ANO6: variants seen among roughly 807,000 people sequenced by gnomAD.
The protein encoded by ANO6 is anoctamin 6.
A neutral mutation model predicts 117.5 loss-of-function variants in ANO6; 106 were observed. The ratio of observed to expected loss-of-function variants is 0.90; its 90% CI spans 0.77 to 1.06. The LOEUF (loss-of-function observed/expected upper bound fraction) is 1.06, where lower values mean the gene tolerates loss of function less well. Among genes scored for constraint, ANO6 ranks in the 50% least tolerant of loss-of-function variants. The pLI is 0.00. For synonymous variants in ANO6, 367 were observed against 385.1 expected, an observed-to-expected ratio of 0.95 and a Z score of 0.55; for missense variants, 955 against 1,121.1, an observed-to-expected ratio of 0.85 and a Z score of 2.12.
At chr12:45,284,019 A>G (rs1454715998) in intron 1 of ANO6, among the ~76,000 whole-genome samples, 2 of 152,248 alleles carry the variant, frequency 1.3e-5, no homozygotes, top group Non-Finnish European at 2.9e-5. Context: ...TAAAAGGCAT[A>G]CAAATTTATT....
At chr12:45,226,323 T>A (rs1180822687) in intron 1 of ANO6, among the ~76,000 whole-genome samples, 1 of 152,208 alleles carries the variant, frequency 6.6e-6, no homozygotes, top group Non-Finnish European at 1.5e-5. Flanking sequence ...AAATGTATTC[T>A]TTTGTGAAGT....
chr12:45,403,537 G>T lies in ANO6; in HGVS notation c.1880+1G>T. The stretch of plus-strand genomic sequence containing the variant: ...ATAACATACAAGAAGTATTATTGCC[G>T]TGAGTGTTAAATTGTATAGCCATGG... On this transcript the variant is annotated splice_donor_variant, in intron 15 of 19. Coordinates refer to ENST00000320560, the MANE Select transcript of ANO6 (RefSeq NM_001025356.3). LOFTEE classifies it high-confidence loss of function. The T allele has an allele frequency of 6.2e-7, 1 of 1,606,920 alleles. No individual in the cohort carries two copies. Among genetic ancestry groups the T allele is most frequent in the Non-Finnish European group, 8.5e-7 (1 of 1,173,804 alleles).
intron 1 of ANO6, among the ~76,000 whole-genome samples, chr12:45,248,386 A>G: frequency 6.6e-6 from 1 of 151,932 alleles, no homozygotes; most frequent in Non-Finnish European, 1.5e-5. Flanking sequence ...CATAAGGACA[A>G]CAGATGAGGT....
intron 8 of ANO6, among the ~76,000 whole-genome samples, chr12:45,359,657 T>C (rs1033125832): frequency 1.3e-5 from 2 of 152,248 alleles, no homozygotes; most frequent in Non-Finnish European, 2.9e-5. Context: ...TAATACTCCA[T>C]GTGTGTATAA....
rs142644352 is a variant in ANO6, at chr12:45,273,994, T to A, written c.71-28020T>A. ...GCACGGGGCACAACTGACCACTCCC[T>A]GCTTCCTGAAATTCTTTTTTTACTT... On this transcript the variant is annotated intron_variant, in intron 1 of 19. Coordinates refer to ENST00000320560, the MANE Select transcript of ANO6 (RefSeq NM_001025356.3). 8.0e-3 allele frequency among the ~76,000 whole-genome samples: 1,213 copies of A among 152,354 alleles called. 16 individuals carry two copies. Among genetic ancestry groups the A allele is most frequent in the African/African-American group, 0.028 (1,170 of 41,582 alleles).
intron 1 of ANO6, among the ~76,000 whole-genome samples, chr12:45,299,403 T>C (rs1398385642): frequency 1.3e-5 from 2 of 152,254 alleles, no homozygotes; most frequent in Admixed American, 6.5e-5. Flanking sequence ...TTTCTGTTTC[T>C]GCTTTGGTTC....
intron 12 of ANO6, among the ~76,000 whole-genome samples, chr12:45,391,151 C>T (rs996208003): frequency 6.6e-6 from 1 of 151,720 alleles, no homozygotes; most frequent in African/African-American, 2.4e-5. Context: ...CTAGGAATAC[C>T]CTTAACAAAA....
intron 2 of ANO6, among the ~76,000 whole-genome samples, chr12:45,321,204 G>A (rs1029993663): frequency 1.3e-5 from 2 of 152,166 alleles, no homozygotes; most frequent in African/African-American, 2.4e-5. Flanking sequence ...AAAAGGAAGC[G>A]TATTTTAAAG....
intron 1 of ANO6, among the ~76,000 whole-genome samples, chr12:45,293,841 C>T (rs2137285070): frequency 6.6e-6 from 1 of 150,586 alleles, no homozygotes; most frequent in Middle Eastern, 3.5e-3. Flanking sequence ...TCTCGGCCTC[C>T]CAAAGTGCTG....
At chr12:45,356,628 A>G (rs1438670481) in intron 7 of ANO6, among the ~76,000 whole-genome samples, 3 of 152,204 alleles carry the variant, frequency 2.0e-5, no homozygotes, top group African/African-American at 7.2e-5. Context: ...GGATCATCAT[A>G]AAGGTCTTCA....
chr12:45,348,188 G>A lies in ANO6; in HGVS notation c.506G>A (p.Ser169Asn), dbSNP rs577750530. Residue 169 changes from serine to asparagine, a missense_variant, in exon 5 of 20, where the codon AGT (serine) becomes AAT (asparagine). Ser to Asn is a conservative substitution (Grantham distance 46). Transcript: ENST00000320560. ...GTLNWFTKVL[S>N]VDESIIKPEQ... is the part of the protein sequence containing the mutation. ...CTCAACTGGTTTACCAAAGTCCTCA[G>A]TGTAGACGAAAGCATCATCAAGCCA... 4 of 1,614,080 alleles carry A rather than the reference G, an allele frequency of 2.5e-6. No individual in the cohort carries two copies. Among genetic ancestry groups the A allele is most frequent in the South Asian group, 2.2e-5 (2 of 91,084 alleles).
rs1937797782 is a variant in ANO6 at position 45,255,818 on chromosome 12, G to GTTTTGTT, written c.70+39431_70+39432insGTTTTTT. ...CTGGCCCCAGGTTTTCTCCCTGGGT[G>GTTTTGTT]TTTTTTTTTTTTTTTTTTTTGAGAC... On this transcript the variant is annotated intron_variant, in intron 1 of 19. Coordinates refer to ENST00000320560, the MANE Select transcript of ANO6 (RefSeq NM_001025356.3). Among the ~76,000 whole-genome samples the GTTTTGTT allele has an allele frequency of 1.2e-4, 10 of 81,692 alleles. No individual in the cohort carries two copies. In the South Asian group the frequency reaches 4.2e-3, roughly 34 times the overall value. The allele number at this position is 81,692 out of a possible 152,430, so 53.6% of individuals were successfully genotyped here. A position where few individuals can be genotyped will look rare whatever the true frequency, so the allele number is the denominator to read the frequency against.
chr12:45,216,369 GGAC>G lies in ANO6; in HGVS notation c.57_59del (p.Asp20del), dbSNP rs775831095. On this transcript the variant is annotated inframe_deletion, in exon 1 of 20. Transcript: ENST00000320560. ...TTTTGCTACAAATGGAGGAGGAGGA[GGAC>G]GACGACGATGGGGATATCGGTGAGC... 3 of 1,612,844 alleles carry G rather than the reference GGAC, an allele frequency of 1.9e-6. No individual in the cohort carries two copies. Among genetic ancestry groups the G allele is most frequent in the Non-Finnish European group, 1.7e-6 (2 of 1,179,428 alleles).
At chr12:45,304,673 A>G (rs1342406495) in intron 2 of ANO6, among the ~76,000 whole-genome samples, 4 of 152,204 alleles carry the variant, frequency 2.6e-5, no homozygotes, top group Non-Finnish European at 5.9e-5. Context: ...AGTTTGGCTA[A>G]CAGGGAAACT....
chr12:45,417,373 A>C (rs1467301312), intron 17 of ANO6, among the ~76,000 whole-genome samples: 2 of 152,136 alleles, frequency 1.3e-5, no homozygotes. Context: ...CACTTTGTGC[A>C]CTCCTAATTA....
At chr12:45,325,984 T>C (rs2137383782) in intron 2 of ANO6, among the ~76,000 whole-genome samples, 1 of 152,286 alleles carries the variant, frequency 6.6e-6, no homozygotes, top group East Asian at 1.9e-4. Flanking sequence ...TCTACCCTTT[T>C]TCAGAAATTT....
At chr12:45,256,184 AC>A (rs1347752277) in intron 1 of ANO6, among the ~76,000 whole-genome samples, 1 of 152,062 alleles carries the variant, frequency 6.6e-6, no homozygotes, top group Non-Finnish European at 1.5e-5. Context: ...ATAACATTGA[AC>A]ATGCCCATGT....
At position 45,410,430 on chromosome 12, in the gene ANO6, T is replaced by C. The variant is rs569474493; in HGVS notation, c.2011+943T>C. Reference sequence around the variant, plus strand: ...TAAATGCCTTGGTCCATTTTTATATTATTTGCTTGGACTCTTAATTCTTTT... The same window carrying C: ...TAAATGCCTTGGTCCATTTTTATATCATTTGCTTGGACTCTTAATTCTTTT... On this transcript the variant is annotated intron_variant, in intron 16 of 19. Coordinates refer to ENST00000320560, the MANE Select transcript of ANO6 (RefSeq NM_001025356.3). Among the ~76,000 whole-genome samples the C allele has an allele frequency of 2.3e-4, 35 of 152,346 alleles. No individual in the cohort carries two copies. In the South Asian group the frequency reaches 7.2e-3, roughly 32 times the overall value.
intron 8 of ANO6, among the ~76,000 whole-genome samples, chr12:45,366,443 T>G (rs73281526): frequency 6.6e-6 from 1 of 152,218 alleles, no homozygotes; most frequent in Non-Finnish European, 1.5e-5. Context: ...TTCAATTTTA[T>G]GTTTGTTCAT....
Sources: allele counts gnomAD v4.1 joint callset (sites outside exome capture counted in the v4.1 genomes callset), GRCh38; gene constraint gnomAD v4.1.1; transcripts MANE v1.5; gene names NCBI Gene and HGNC (gene_info 2026-07-23, HGNC 2026-07-21).